ARB2A: variants seen among roughly 807,000 people sequenced by gnomAD.
ARB2A encodes the protein cotranscriptional regulator ARB2A.
At chr5:94,099,905 C>T in the ARB2A span, among the ~76,000 whole-genome samples, 1 of 152,118 alleles carries the variant, frequency 6.6e-6, no homozygotes, top group Non-Finnish European at 1.5e-5. Context: ...TCTCTCACCA[C>T]ATCTATTCAA....
the ARB2A span, among the ~76,000 whole-genome samples, chr5:94,020,242 C>CG: frequency 0.017 from 480 of 28,568 alleles, 3 homozygotes; most frequent in African/African-American, 0.055. Context: ...GGACACGGGG[C>CG]GGGGGGGGTA....
the ARB2A span, chr5:94,074,768 G>C: frequency 5.1e-6 from 8 of 1,580,978 alleles, no homozygotes; most frequent in Admixed American, 1.1e-4. Context: ...TCAGAAGACA[G>C]TCTAGAATGA....
the ARB2A span, among the ~76,000 whole-genome samples, chr5:93,972,133 C>A: frequency 6.6e-6 from 1 of 152,150 alleles, no homozygotes; most frequent in East Asian, 1.9e-4. Context: ...GGCTTCACCC[C>A]TACTGAAGGT....
chr5:94,050,724 G>A, the ARB2A span: 5 of 1,586,026 alleles, frequency 3.2e-6, no homozygotes, highest in Non-Finnish European at 8.5e-7. Flanking sequence ...TAGTATATGT[G>A]ACATACCTCT....
At chr5:93,701,740 C>T in the ARB2A span, among the ~76,000 whole-genome samples, 1 of 152,080 alleles carries the variant, frequency 6.6e-6, no homozygotes, top group Non-Finnish European at 1.5e-5. Flanking sequence ...TGTTGGTAAG[C>T]AGCAATAACA....
At chr5:94,072,247 G>C in the ARB2A span, among the ~76,000 whole-genome samples, 2 of 152,130 alleles carry the variant, frequency 1.3e-5, no homozygotes, top group East Asian at 1.9e-4. Context: ...CCTACAAATG[G>C]GTAACAGAAG....
At chr5:94,107,772 ACACT>A in the ARB2A span, among the ~76,000 whole-genome samples, 100 of 152,262 alleles carry the variant, frequency 6.6e-4, no homozygotes, top group Non-Finnish European at 1.1e-3. Context: ...CACCTTCCAA[ACACT>A]CACTGTTGAG....
At chr5:93,941,626 T>G in the ARB2A span, among the ~76,000 whole-genome samples, 1 of 152,282 alleles carries the variant, frequency 6.6e-6, no homozygotes, top group Non-Finnish European at 1.5e-5. Flanking sequence ...AAATACAGAA[T>G]TCAAATATGC....
the ARB2A span, among the ~76,000 whole-genome samples, chr5:93,653,175 G>T: frequency 2.6e-5 from 4 of 151,928 alleles, no homozygotes; most frequent in African/African-American, 9.7e-5. Flanking sequence ...ATTGTTATTT[G>T]AATATTTTGG....
At chr5:93,824,156 C>T in the ARB2A span, 1 of 1,584,424 alleles carries the variant, frequency 6.3e-7, no homozygotes, top group Non-Finnish European at 8.6e-7. Flanking sequence ...ACCAGTTCAA[C>T]AAAAGCAAGT....
At chr5:94,047,065 C>G in the ARB2A span, among the ~76,000 whole-genome samples, 20 of 152,004 alleles carry the variant, frequency 1.3e-4, no homozygotes, top group African/African-American at 3.9e-4. Flanking sequence ...TCTCCAATTC[C>G]TGGGTCTTTT....
At chr5:94,110,419 C>T in the ARB2A span, among the ~76,000 whole-genome samples, 1 of 152,166 alleles carries the variant, frequency 6.6e-6, no homozygotes, top group African/African-American at 2.4e-5. Context: ...GGCCTTGGTA[C>T]TATTTATTCT....
At chr5:93,815,681 CT>C in the ARB2A span, among the ~76,000 whole-genome samples, 2 of 152,166 alleles carry the variant, frequency 1.3e-5, no homozygotes, top group Non-Finnish European at 2.9e-5. Flanking sequence ...AATCCTCCCC[CT>C]GGTACTGGAT....
the ARB2A span, among the ~76,000 whole-genome samples, chr5:93,843,626 G>T: frequency 2.0e-5 from 3 of 151,824 alleles, no homozygotes; most frequent in African/African-American, 7.2e-5. Flanking sequence ...TAGAGAGAAG[G>T]TCTCACTATG....
chr5:93,815,636 G>C, the ARB2A span, among the ~76,000 whole-genome samples: 2 of 152,128 alleles, frequency 1.3e-5, no homozygotes, highest in Non-Finnish European at 2.9e-5. Flanking sequence ...GAAACTCCCA[G>C]GCAATGAGTG....
the ARB2A span, among the ~76,000 whole-genome samples, chr5:93,727,290 C>T: frequency 1.3e-5 from 2 of 151,962 alleles, no homozygotes; most frequent in African/African-American, 4.8e-5. Context: ...AGGGTTAGTA[C>T]ATGCTTTTAC....
At chr5:93,921,963 G>C in the ARB2A span, among the ~76,000 whole-genome samples, 2 of 152,038 alleles carry the variant, frequency 1.3e-5, no homozygotes, top group Admixed American at 1.3e-4. Flanking sequence ...ATGTCGAGGT[G>C]GTCTACTTGC....
At chr5:93,877,596 T>C in the ARB2A span, among the ~76,000 whole-genome samples, 1 of 152,054 alleles carries the variant, frequency 6.6e-6, no homozygotes, top group African/African-American at 2.4e-5. Flanking sequence ...GGAGATCTAG[T>C]GGAGAGGCAT....
At chr5:93,961,410 T>C in the ARB2A span, among the ~76,000 whole-genome samples, 1 of 152,168 alleles carries the variant, frequency 6.6e-6, no homozygotes, top group African/African-American at 2.4e-5. Flanking sequence ...AAGAAACTTA[T>C]TTTCAGATGA....
Sources: gnomAD v4.1 joint callset for allele counts (sites outside exome capture counted in the v4.1 genomes callset) on GRCh38, gnomAD v4.1.1 for gene constraint, MANE v1.5 for transcripts, NCBI Gene and HGNC (gene_info 2026-07-23, HGNC 2026-07-21) for gene names.